Variants in TTC6 observed in about 807,000 individuals in gnomAD.
TTC6 encodes tetratricopeptide repeat protein 6.
A neutral mutation model predicts 210.4 loss-of-function variants in TTC6; 172 were observed. That is an observed-to-expected ratio of 0.82 (90% CI 0.72 to 0.93). TTC6 has a LOEUF of 0.93. TTC6 is among the 40% of genes least tolerant of loss of function. The pLI, the probability that TTC6 is intolerant of heterozygous loss-of-function variation, is 0.00. For missense variants in TTC6, 2,414 were observed against 2,318.1 expected, an observed-to-expected ratio of 1.04 and a Z score of -0.85; for synonymous variants, 804 against 819.6, an observed-to-expected ratio of 0.98 and a Z score of 0.32.
At chr14:37,621,533 C>CAGG (rs1224984680), upstream of TTC6, among the ~76,000 whole-genome samples, 2 of 152,128 alleles carry the variant, frequency 1.3e-5, no homozygotes, top group African/African-American at 2.4e-5. Context: ...CGCTTGAGCC[C>CAGG]AGGAGGCCGA....
At chr14:37,767,623 C>T (rs1023482945) in intron 14 of TTC6, among the ~76,000 whole-genome samples, 7 of 152,142 alleles carry the variant, frequency 4.6e-5, no homozygotes, top group African/African-American at 1.7e-4. Context: ...TGTTCATGTC[C>T]TTCGCCTACT....
At chr14:37,818,129 T>C (rs1213855885) in intron 26 of TTC6, among the ~76,000 whole-genome samples, 1 of 152,084 alleles carries the variant, frequency 6.6e-6, no homozygotes, top group Non-Finnish European at 1.5e-5. Flanking sequence ...AATATAATAC[T>C]AAGTAAAAAA....
chr14:37,622,539 G>C, exon 1 of TTC6: 1 of 1,535,078 alleles, frequency 6.5e-7, no homozygotes, highest in Non-Finnish European at 8.7e-7. Flanking sequence ...CGAGCCACCC[G>C]TGAAGCGCAG....
Position 37,622,101 on chromosome 14 carries a change from AAAGAGGAATCG to A in TTC6, c.38_48del (p.Lys13IlefsTer4). The A allele has an allele frequency of 6.5e-7, 1 of 1,534,320 alleles. No individual in the cohort carries two copies. The highest frequency in any genetic ancestry group is 2.5e-5 in the East Asian group (1 of 40,782). ...CCCGAGACACTTTGGCCTGAAATAC[AAAGAGGAATCG>A]TATATGTTTAAAGAGCTTGAGAAAG... On this transcript the variant is annotated frameshift_variant, in exon 1 of 31. Transcript: ENST00000553443. LOFTEE classifies it high-confidence loss of function.
intron 1 of TTC6, among the ~76,000 whole-genome samples, chr14:37,650,501 G>A (rs1422785437): frequency 6.6e-6 from 1 of 152,110 alleles, no homozygotes; most frequent in Non-Finnish European, 1.5e-5. Context: ...TGGCTACATT[G>A]TTTGTAAAGT....
chr14:37,717,250 A>C lies in TTC6; in HGVS notation c.1713+2454A>C, dbSNP rs192908808. Among the ~76,000 whole-genome samples the C allele has an allele frequency of 2.6e-3, 388 of 152,146 alleles. 3 individuals are homozygous for C. The highest frequency in any genetic ancestry group is 8.7e-3 in the African/African-American group (362 of 41,556). ...TGAAATTGAAAACAGAAAAACAGTAAGGAAACTTAATGAAAGAAAGAGCTG... is the reference window on the plus strand; with the variant it reads ...TGAAATTGAAAACAGAAAAACAGTACGGAAACTTAATGAAAGAAAGAGCTG... On this transcript the variant is annotated intron_variant, in intron 6 of 30. Transcript: ENST00000553443.
chr14:37,625,774 T>G (rs1297901114), intron 1 of TTC6, among the ~76,000 whole-genome samples: 1 of 152,126 alleles, frequency 6.6e-6, no homozygotes, highest in East Asian at 1.9e-4. Flanking sequence ...GGTAAGATGA[T>G]CTCAGCAGGC....
chr14:37,832,992 A>G (rs2096189484), intron 29 of TTC6, among the ~76,000 whole-genome samples: 1 of 145,612 alleles, frequency 6.9e-6, no homozygotes, highest in Non-Finnish European at 1.5e-5. Context: ...TGGGAGGCGG[A>G]GGTTGCAGTG....
intron 1 of TTC6, among the ~76,000 whole-genome samples, chr14:37,675,048 C>A (rs1295379300): frequency 6.6e-6 from 1 of 151,852 alleles, no homozygotes; most frequent in Non-Finnish European, 1.5e-5. Flanking sequence ...CTCATCACAT[C>A]CAATTACTTT....
At chr14:37,713,234 T>C (rs2095847426) in intron 5 of TTC6, among the ~76,000 whole-genome samples, 1 of 152,224 alleles carries the variant, frequency 6.6e-6, no homozygotes, top group African/African-American at 2.4e-5. Flanking sequence ...GTCATGACTG[T>C]ACTTGCCAAC....
intron 3 of TTC6, among the ~76,000 whole-genome samples, chr14:37,695,491 A>T (rs909586562): frequency 9.9e-5 from 15 of 152,122 alleles, no homozygotes; most frequent in South Asian, 4.2e-4. Context: ...AGTAGCTGGG[A>T]TTACAGGCAT....
At chr14:37,781,381 G>A (rs1357768341) in intron 14 of TTC6, among the ~76,000 whole-genome samples, 2 of 152,164 alleles carry the variant, frequency 1.3e-5, no homozygotes, top group African/African-American at 4.8e-5. Context: ...AATGACCAGT[G>A]ATGATGAGCA....
chr14:37,839,707 C>T (rs2096205718), intron 29 of TTC6, among the ~76,000 whole-genome samples: 1 of 152,136 alleles, frequency 6.6e-6, no homozygotes, highest in Non-Finnish European at 1.5e-5. Context: ...GTGTTTTAGT[C>T]ATGAAGTCTT....
At chr14:37,630,218 G>C (rs1273956654) in intron 1 of TTC6, among the ~76,000 whole-genome samples, 1 of 152,116 alleles carries the variant, frequency 6.6e-6, no homozygotes, top group Non-Finnish European at 1.5e-5. Context: ...TGGACATTTA[G>C]TGCTATAAAT....
chr14:37,659,241 ATT>A (rs1362455899), intron 1 of TTC6, among the ~76,000 whole-genome samples: 4 of 152,110 alleles, frequency 2.6e-5, no homozygotes, highest in Non-Finnish European at 4.4e-5. Flanking sequence ...TGTAATGGAC[ATT>A]TGTGTGCATG....
intron 2 of TTC6, among the ~76,000 whole-genome samples, chr14:37,611,630 C>T (rs1332080671): frequency 2.0e-5 from 3 of 152,016 alleles, no homozygotes; most frequent in Non-Finnish European, 2.9e-5. Flanking sequence ...GTGCACGACG[C>T]CCCACGGGGC....
chr14:37,630,907 G>GTTTTTTT (rs746429138), intron 1 of TTC6, among the ~76,000 whole-genome samples: 1 of 33,070 alleles, frequency 3.0e-5, no homozygotes, highest in African/African-American at 1.4e-4. Context: ...GGCAACCCCT[G>GTTTTTTT]TTTTTTTTTT....
chr14:37,724,955 T>G lies in TTC6; in HGVS notation c.1771T>G (p.Ser591Ala), dbSNP rs372083592. ...TTGGAATACAGCTGCACCTAAATTC[T>G]CTGTTCCAGAATCTGTCATGAAGGA... is the stretch of plus-strand genomic sequence containing the variant. Residue 591 changes from serine to alanine, a missense_variant, in exon 7 of 31, where the codon TCT becomes GCT. By Grantham distance (99) the Ser-to-Ala change is moderately conservative. Transcript: ENST00000553443. The G allele has an allele frequency of 7.3e-5, 112 of 1,529,746 alleles. No homozygotes were observed. The East Asian group carries it at 2.4e-3, about 32-fold the overall frequency. 94.8% of individuals were successfully genotyped at this position (1,529,746 alleles called of 1,614,324 possible).
At chr14:37,822,686 T>C (rs1384395711) in intron 26 of TTC6, among the ~76,000 whole-genome samples, 1 of 152,186 alleles carries the variant, frequency 6.6e-6, no homozygotes, top group African/African-American at 2.4e-5. Flanking sequence ...CAGCTCACTG[T>C]TTCTTGTGCA....
Sources: allele counts gnomAD v4.1 joint callset (sites outside exome capture counted in the v4.1 genomes callset), GRCh38; gene constraint gnomAD v4.1.1; transcripts MANE v1.5; gene names NCBI Gene and HGNC (gene_info 2026-07-23, HGNC 2026-07-21).